Variants in ZNF529 observed in about 807,000 individuals in gnomAD.
ZNF529 encodes the protein zinc finger protein 529.
Under a neutral mutation model 10.1 loss-of-function variants are expected in ZNF529, and 11 were observed. That is an observed-to-expected ratio of 1.09 (90% CI 0.69 to 1.81). The LOEUF (loss-of-function observed/expected upper bound fraction) is 1.81. Ranked by LOEUF, ZNF529 falls within the 40% of genes most tolerant of loss-of-function variation. The pLI, the probability that ZNF529 is intolerant of heterozygous loss-of-function variation, is 0.00. For missense variants in ZNF529, 624 were observed against 666.8 expected, an observed-to-expected ratio of 0.94 and a Z score of 0.71; for synonymous variants, 204 against 215.7, an observed-to-expected ratio of 0.95 and a Z score of 0.47.
intron 2 of ZNF529, among the ~76,000 whole-genome samples, chr19:36,561,348 A>G (rs1009814100): frequency 8.6e-5 from 13 of 151,994 alleles, no homozygotes; most frequent in African/African-American, 2.9e-4. Flanking sequence ...CAGAGTGCAC[A>G]AGATGTGGAA....
chr19:36,585,386 C>A (rs556333139), intron 2 of ZNF529, among the ~76,000 whole-genome samples: 2 of 152,292 alleles, frequency 1.3e-5, no homozygotes, highest in East Asian at 3.9e-4. Context: ...AGTCAGTGTT[C>A]CAGAGCCCTG....
intron 2 of ZNF529, among the ~76,000 whole-genome samples, chr19:36,556,604 T>A (rs2035485121): frequency 6.6e-6 from 1 of 152,248 alleles, no homozygotes; most frequent in Non-Finnish European, 1.5e-5. Flanking sequence ...CTGCTGAGCA[T>A]ACTGAGGTTT....
chr19:36,554,628 C>A, intron 4 of ZNF529, 42 bp downstream of exon 4: 1 of 1,467,734 alleles, frequency 6.8e-7, no homozygotes. Context: ...AGTTGATAGT[C>A]TAGAGAGTAT....
At chr19:36,578,350 G>C (rs1456549752) in intron 2 of ZNF529, among the ~76,000 whole-genome samples, 7 of 115,186 alleles carry the variant, frequency 6.1e-5, no homozygotes, top group Non-Finnish European at 1.2e-4. Context: ...CTGTTGCCCA[G>C]GCTGGAGTGC....
At chr19:36,554,442 G>A (rs1034408173) in intron 4 of ZNF529, among the ~76,000 whole-genome samples, 1 of 152,162 alleles carries the variant, frequency 6.6e-6, no homozygotes, top group African/African-American at 2.4e-5. Flanking sequence ...GATGGGCATA[G>A]TGGCGGGCTC....
At position 36,548,822 on chromosome 19, in the gene ZNF529, A is replaced by G. The variant is rs550661157; in HGVS notation, c.236-500T>C. On this transcript the variant is annotated intron_variant, in intron 4 of 4. Transcript: ENST00000591340. The stretch of plus-strand genomic sequence containing the variant: ...GGTTACCTGAGCTCAGAACTTTGTG[A>G]CCAGTGAAACCCTGCCTCTACTAAA... Among the ~76,000 whole-genome samples the G allele has an allele frequency of 9.2e-5, 14 of 152,178 alleles. No homozygotes were observed. The South Asian group carries it at 2.9e-3, about 32-fold the overall frequency.
chr19:36,604,599 A>C (rs2036988469), intron 1 of ZNF529, among the ~76,000 whole-genome samples: 1 of 72 alleles, frequency 0.014, no homozygotes. Flanking sequence ...AAGGTCTCAG[A>C]GTCTTCACAG....
intron 2 of ZNF529, among the ~76,000 whole-genome samples, chr19:36,569,130 G>C (rs2036003099): frequency 1.3e-5 from 2 of 152,132 alleles, no homozygotes; most frequent in Non-Finnish European, 2.9e-5. Context: ...CAGGAAAAAC[G>C]TAAGACCTTA....
intron 1 of ZNF529, among the ~76,000 whole-genome samples, chr19:36,599,668 T>G (rs1958980965): frequency 6.6e-6 from 1 of 152,196 alleles, no homozygotes; most frequent in African/African-American, 2.4e-5. Flanking sequence ...CTTAGGTTAC[T>G]GAATTTTTTT....
In ZNF529 at chr19:36,547,351, A is replaced by C. The variant is rs770045047; in HGVS notation, c.1207T>G (p.Phe403Val). ...PYECKACGKVFRNSSSLTRHQ... is the reference protein window; with the variant it reads ...PYECKACGKVVRNSSSLTRHQ... ...CTAGTCAGGGATGAACTATTTCTAA[A>C]GACCTTTCCACATGCTTTGCATTCA... Residue 403 changes from phenylalanine to valine, a missense_variant, in exon 5 of 5, where the codon TTT (phenylalanine) becomes GTT (valine). Coordinates refer to ENST00000591340, the MANE Select transcript of ZNF529 (RefSeq NM_020951.5). 4 of 1,613,932 alleles carry C rather than the reference A, an allele frequency of 2.5e-6. No individual in the cohort carries two copies. The Admixed American group carries it at 5.0e-5, about 20-fold the overall frequency.
intron 2 of ZNF529, among the ~76,000 whole-genome samples, chr19:36,569,506 T>A (rs2036018143): frequency 6.6e-6 from 1 of 152,132 alleles, no homozygotes; most frequent in Non-Finnish European, 1.5e-5. Flanking sequence ...GGCTCATGCC[T>A]GTAATCCCAG....
chr19:36,575,880 G>T (rs1335403762), upstream of ZNF529, among the ~76,000 whole-genome samples: 2 of 151,536 alleles, frequency 1.3e-5, no homozygotes, highest in Admixed American at 6.6e-5. Context: ...ATGGAGTCTC[G>T]CTCTGTCACC....
intron 1 of ZNF529, among the ~76,000 whole-genome samples, chr19:36,596,735 G>A (rs1440587890): frequency 6.6e-6 from 1 of 151,742 alleles, no homozygotes; most frequent in Non-Finnish European, 1.5e-5. Flanking sequence ...GGCCATGCTG[G>A]TCTCGAACTC....
intron 4 of ZNF529, among the ~76,000 whole-genome samples, chr19:36,553,998 T>C (rs1339818437): frequency 6.6e-6 from 1 of 152,182 alleles, no homozygotes; most frequent in Non-Finnish European, 1.5e-5. Flanking sequence ...AGATGTCTCA[T>C]TATGTATAAG....
rs192313677 is a variant in ZNF529 at position 36,592,165 on chromosome 19, C to T, written c.-127-2464G>A. On this transcript the variant is annotated intron_variant, in intron 1 of 4. Coordinates refer to the ZNF529 transcript ENST00000585960. The stretch of plus-strand genomic sequence containing the variant: ...CCAGGCATGGCAGTGCATGCTTGTA[C>T]TCCCAGTTACTTGGGAGGCTGAGGT... 5.4e-3 allele frequency among the ~76,000 whole-genome samples: 818 copies of T among 150,904 alleles called. 7 individuals are homozygous for T. The highest frequency in any genetic ancestry group is 7.8e-3 in the Non-Finnish European group (525 of 67,732).
chr19:36,599,187 CAA>C (rs1293068860), intron 1 of ZNF529, among the ~76,000 whole-genome samples: 18 of 152,158 alleles, frequency 1.2e-4, no homozygotes, highest in Non-Finnish European at 1.5e-5. Flanking sequence ...ATTTATATAA[CAA>C]AGTCTCCTAA....
intron 2 of ZNF529, among the ~76,000 whole-genome samples, chr19:36,556,940 A>T (rs1435028791): frequency 6.6e-6 from 1 of 152,208 alleles, no homozygotes; most frequent in Non-Finnish European, 1.5e-5. Flanking sequence ...GGCAATTGAG[A>T]GGAGGTTGAT....
chr19:36,554,068 T>G (rs1294461073), intron 4 of ZNF529, among the ~76,000 whole-genome samples: 2 of 152,188 alleles, frequency 1.3e-5, no homozygotes, highest in Non-Finnish European at 2.9e-5. Flanking sequence ...CCCAAGTATT[T>G]TGGATAAGGG....
chr19:36,554,665 T>C lies in ZNF529; in HGVS notation c.235+5A>G, dbSNP rs1254296007. 1 of 1,545,438 alleles carries C rather than the reference T, an allele frequency of 6.5e-7. No individual in the cohort carries two copies. The highest frequency in any genetic ancestry group is 2.4e-5 in the East Asian group (1 of 41,726). On this transcript the variant is annotated splice_donor_5th_base_variant and intron_variant, in intron 4 of 4. Coordinates refer to ENST00000591340, the MANE Select transcript of ZNF529 (RefSeq NM_020951.5). ...TTCTAAGTTATTTAAGGCAGATAAA[T>C]TTACCCAGTGAGAGTAAGTTGCTGT...
Sources: allele counts gnomAD v4.1 joint callset (sites outside exome capture counted in the v4.1 genomes callset), GRCh38; gene constraint gnomAD v4.1.1; transcripts MANE v1.5; gene names NCBI Gene and HGNC (gene_info 2026-07-23, HGNC 2026-07-21).